Variants in BCL2L13 observed in about 807,000 individuals in gnomAD.
The protein encoded by BCL2L13 is bcl-2-like protein 13.
In BCL2L13, 13 loss-of-function variants were observed where a neutral mutation model predicts 25.8. The ratio of observed to expected loss-of-function variants is 0.50; its 90% confidence interval spans 0.33 to 0.80. The LOEUF (loss-of-function observed/expected upper bound fraction) is 0.80. BCL2L13 is among the 30% of genes least tolerant of loss of function. The pLI is 0.02. For synonymous variants in BCL2L13, 244 were observed against 230.3 expected (o/e 1.06, Z -0.54); for missense variants, 504 against 574.9 (o/e 0.88, Z 1.26).
chr22:17,652,433 A>C (rs908050309), intron 1 of BCL2L13, among the ~76,000 whole-genome samples: 2 of 152,100 alleles, frequency 1.3e-5, no homozygotes, highest in Non-Finnish European at 2.9e-5. Context: ...AGTGTTGACT[A>C]TCTTATCAAA....
intron 2 of BCL2L13, among the ~76,000 whole-genome samples, chr22:17,665,500 C>T (rs2146579599): frequency 6.6e-6 from 1 of 152,226 alleles, no homozygotes; most frequent in Non-Finnish European, 1.5e-5. Flanking sequence ...TAAGCAGTGC[C>T]CCACTCCCAG....
chr22:17,674,981 G>A (rs1419025469), intron 2 of BCL2L13, among the ~76,000 whole-genome samples: 3 of 152,086 alleles, frequency 2.0e-5, no homozygotes, highest in South Asian at 4.1e-4. Flanking sequence ...TCATAGATAG[G>A]TAAGTAGTCT....
chr22:17,707,174 G>A (rs920751166), intron 6 of BCL2L13, among the ~76,000 whole-genome samples: 2 of 131,124 alleles, frequency 1.5e-5, no homozygotes, highest in African/African-American at 3.1e-5. Context: ...AGTAAGTACT[G>A]TTTTGGGAAA....
At chr22:17,677,705 C>T (rs544642138) in intron 2 of BCL2L13, among the ~76,000 whole-genome samples, 21 of 152,260 alleles carry the variant, frequency 1.4e-4, no homozygotes, top group African/African-American at 4.8e-4. Context: ...AACCCTGTCT[C>T]TACCAAAAAT....
intron 5 of BCL2L13, among the ~76,000 whole-genome samples, chr22:17,698,554 CT>C (rs199680683): frequency 0.11 from 2,479 of 22,972 alleles, 241 homozygotes; most frequent in African/African-American, 0.22. Flanking sequence ...GACCCTGTCT[CT>C]TAAAAAAAAA....
At chr22:17,719,811 G>T (rs1370925108) in intron 6 of BCL2L13, among the ~76,000 whole-genome samples, 2 of 135,348 alleles carry the variant, frequency 1.5e-5, no homozygotes, top group Non-Finnish European at 3.1e-5. Flanking sequence ...CCTGGCGAAA[G>T]AGTGAGACTC....
intron 1 of BCL2L13, among the ~76,000 whole-genome samples, chr22:17,643,846 C>G (rs956332034): frequency 6.6e-6 from 1 of 151,936 alleles, no homozygotes; most frequent in South Asian, 2.1e-4. Flanking sequence ...ATCTCCTGAT[C>G]TTGTGATCCG....
At chr22:17,689,991 TA>T (rs2060058954) in intron 4 of BCL2L13, among the ~76,000 whole-genome samples, 2 of 152,078 alleles carry the variant, frequency 1.3e-5, no homozygotes, top group South Asian at 4.1e-4. Flanking sequence ...ATATTAAAGC[TA>T]AAGGCAAGAA....
intron 6 of BCL2L13, among the ~76,000 whole-genome samples, chr22:17,715,151 TATATATATATATATATA>T (rs2060895513): frequency 3.4e-4 from 2 of 5,836 alleles, no homozygotes; most frequent in African/African-American, 5.8e-4. Context: ...TATATATATA[TATATATATATATATATA>T]TATTTTTTTT....
chr22:17,719,847 AAAAG>A (rs1380658614), intron 6 of BCL2L13, among the ~76,000 whole-genome samples: 1 of 49,418 alleles, frequency 2.0e-5, no homozygotes, highest in Non-Finnish European at 4.6e-5. Context: ...AAAAAAAAAA[AAAAG>A]AATGAAGTAT....
Position 17,663,683 on chromosome 22 carries a change from C to CTTTTTTTTTT in BCL2L13, c.121+7860_121+7869dup, listed in dbSNP as rs61709181. 2.2e-4 allele frequency among the ~76,000 whole-genome samples: 24 copies of CTTTTTTTTTT among 107,480 alleles called. 2 individuals are homozygous for CTTTTTTTTTT. Among genetic ancestry groups the CTTTTTTTTTT allele is most frequent in the South Asian group, 3.0e-4 (1 of 3,388 alleles). The allele number at this position is 107,480 out of a possible 152,430, so 70.5% of individuals were successfully genotyped here. A position where few individuals can be genotyped will look rare whatever the true frequency, so the allele number is the denominator to read the frequency against. Reference sequence around the variant, plus strand: ...TTTATTATTATCTTTTACATTTTTCCTTTTTTTTTTTTTTTTTTGAGATGG... The same window carrying CTTTTTTTTTT: ...TTTATTATTATCTTTTACATTTTTCCTTTTTTTTTTTTTTTTTTTTTTTTTTTTGAGATGG... On this transcript the variant is annotated intron_variant, in intron 2 of 6. Transcript: ENST00000317582.
chr22:17,635,989 G>A (rs985206171), upstream of BCL2L13, among the ~76,000 whole-genome samples: 9 of 152,016 alleles, frequency 5.9e-5, no homozygotes, highest in African/African-American at 1.2e-4. Context: ...GATTATAGGC[G>A]TGAACCACCA....
intron 2 of BCL2L13, among the ~76,000 whole-genome samples, chr22:17,671,041 A>C (rs1376635999): frequency 6.6e-6 from 1 of 152,080 alleles, no homozygotes; most frequent in Non-Finnish European, 1.5e-5. Context: ...TGGGCAGATC[A>C]TGAGGTCAAG....
At chr22:17,702,142 C>T in intron 5 of BCL2L13, 101 bp from the exon 6 acceptor site, 3 of 920,786 alleles carry the variant, frequency 3.3e-6, no homozygotes, top group Non-Finnish European at 3.2e-6. Flanking sequence ...ATAAAAATAC[C>T]TTAATGATGC....
At position 17,646,932 on chromosome 22, in the gene BCL2L13, C is replaced by CATATATAT. The variant is rs1170982043; in HGVS notation, c.-51+8063_-51+8070dup. Among the ~76,000 whole-genome samples the CATATATAT allele has an allele frequency of 2.5e-3, 81 of 32,436 alleles. 1 individual carries two copies. Among genetic ancestry groups the CATATATAT allele is most frequent in the South Asian group, 4.5e-3 (2 of 440 alleles). 21.3% of individuals were successfully genotyped at this position (32,436 alleles called of 152,430 possible). Reference sequence around the variant, plus strand: ...TGTGTGTGTGTGTGTGTATAAACTACATATATATATATATATATATATATT... The same window carrying CATATATAT: ...TGTGTGTGTGTGTGTGTATAAACTACATATATATATATATATATATATATATATATATT... On this transcript the variant is annotated intron_variant, in intron 1 of 6. Coordinates refer to ENST00000317582, the MANE Select transcript of BCL2L13 (RefSeq NM_015367.4).
intron 2 of BCL2L13, among the ~76,000 whole-genome samples, chr22:17,681,976 G>A (rs73378720): frequency 6.6e-6 from 1 of 152,192 alleles, no homozygotes; most frequent in Non-Finnish European, 1.5e-5. Flanking sequence ...ACATACATAC[G>A]TACGTACATG....
In BCL2L13 at chr22:17,723,154, C is replaced by T. The variant is rs531744737; in HGVS notation, c.601-3523C>T. Among the ~76,000 whole-genome samples, 46 of 152,212 alleles carry T rather than the reference C, an allele frequency of 3.0e-4. No individual in the cohort carries two copies. The South Asian group carries it at 9.1e-3, about 30-fold the overall frequency. ...GCTGAACCAAACCCTCCCTGTGTCT[C>T]TCTCTATCTGTCCCTCTCCCTCTCT... is the stretch of plus-strand genomic sequence containing the variant. On this transcript the variant is annotated intron_variant, in intron 6 of 6. Transcript: ENST00000317582.
At chr22:17,650,526 C>T (rs1263274817) in intron 1 of BCL2L13, among the ~76,000 whole-genome samples, 1 of 152,102 alleles carries the variant, frequency 6.6e-6, no homozygotes, top group African/African-American at 2.4e-5. Context: ...TGTCCCAGCA[C>T]TGAGAATCAC....
At chr22:17,676,827 C>G (rs2059588286) in intron 2 of BCL2L13, among the ~76,000 whole-genome samples, 1 of 152,140 alleles carries the variant, frequency 6.6e-6, no homozygotes, top group Non-Finnish European at 1.5e-5. Context: ...TAAAGGTAGA[C>G]TTTTATGCTT....
Sources: gnomAD v4.1 joint callset for allele counts (sites outside exome capture counted in the v4.1 genomes callset) on GRCh38, gnomAD v4.1.1 for gene constraint, MANE v1.5 for transcripts, NCBI Gene and HGNC (gene_info 2026-07-23, HGNC 2026-07-21) for gene names.